Variants in ALK observed in about 807,000 individuals in gnomAD.
The protein encoded by ALK is ALK receptor tyrosine kinase.
Under a neutral mutation model 163.1 loss-of-function variants are expected in ALK, and 74 were observed. The ratio of observed to expected loss-of-function variants is 0.45; its 90% confidence interval spans 0.38 to 0.55. The LOEUF is 0.55. Among genes scored for constraint, ALK ranks in the 20% least tolerant of loss-of-function variants. The pLI is 0.00. For missense variants in ALK, 2,063 were observed against 2,105.3 expected, an observed-to-expected ratio of 0.98 and a Z score of 0.39; for synonymous variants, 960 against 843.2, an observed-to-expected ratio of 1.14 and a Z score of -2.40.
chr2:29,714,382 A>G (rs1463358074), intron 2 of ALK, among the ~76,000 whole-genome samples: 1 of 152,208 alleles, frequency 6.6e-6, no homozygotes, highest in Non-Finnish European at 1.5e-5. Context: ...GGAGCCTTCA[A>G]AAAGGTAGGT....
At chr2:29,752,600 G>A (rs1229760137) in intron 1 of ALK, among the ~76,000 whole-genome samples, 4 of 151,712 alleles carry the variant, frequency 2.6e-5, no homozygotes, top group African/African-American at 7.3e-5. Flanking sequence ...CGCCCGTCTC[G>A]GCCTCCCAAA....
At chr2:29,442,708 TA>T (rs776408802) in intron 4 of ALK, among the ~76,000 whole-genome samples, 6 of 152,186 alleles carry the variant, frequency 3.9e-5, no homozygotes, top group African/African-American at 7.2e-5. Context: ...GGTACGCACC[TA>T]AAAACCTTAT....
rs139675623 is a variant in ALK at position 29,797,891 on chromosome 2, C to T, written c.668-80194G>A. ...GACCCAAGAATTTGGGTCAAGAAAG[C>T]TTTAGCTGTGGCCATCCAAAGGGTA... On this transcript the variant is annotated intron_variant, in intron 1 of 28. Transcript: ENST00000389048. Among the ~76,000 whole-genome samples, 1,051 of 152,024 alleles carry T rather than the reference C, an allele frequency of 6.9e-3. 11 individuals carry two copies. The highest frequency in any genetic ancestry group is 0.046 in the South Asian group (223 of 4,806).
At chr2:29,592,177 C>T (rs1030323642) in intron 3 of ALK, among the ~76,000 whole-genome samples, 1 of 152,094 alleles carries the variant, frequency 6.6e-6, no homozygotes, top group Non-Finnish European at 1.5e-5. Context: ...TCCCAGAGCA[C>T]CTTTCTGCTC....
intron 11 of ALK, among the ~76,000 whole-genome samples, chr2:29,266,404 T>C (rs369046680): frequency 6.6e-6 from 1 of 152,104 alleles, no homozygotes; most frequent in South Asian, 2.1e-4. Context: ...TAGAAGGAGG[T>C]GGACTGTAAA....
chr2:29,203,347 G>A (rs942897956), intron 26 of ALK, among the ~76,000 whole-genome samples: 2 of 151,732 alleles, frequency 1.3e-5, no homozygotes, highest in Non-Finnish European at 2.9e-5. Context: ...GTCTTCTTAT[G>A]TTTCCTGTGG....
intron 11 of ALK, among the ~76,000 whole-genome samples, chr2:29,263,172 T>C (rs189049449): frequency 1.1e-3 from 167 of 152,354 alleles, no homozygotes; most frequent in African/African-American, 4.0e-3. Flanking sequence ...CAAAGGGTCA[T>C]GGACTTCTGC....
intron 1 of ALK, among the ~76,000 whole-genome samples, chr2:29,736,240 C>T (rs1238933988): frequency 2.0e-5 from 3 of 151,948 alleles, no homozygotes; most frequent in Non-Finnish European, 4.4e-5. Flanking sequence ...TATGATCTAG[C>T]TGTGTGAAAA....
At chr2:29,784,704 CAACAACAAA>C (rs1663955269) in intron 1 of ALK, among the ~76,000 whole-genome samples, 4 of 90,326 alleles carry the variant, frequency 4.4e-5, no homozygotes, top group Admixed American at 4.3e-4. Flanking sequence ...TCAACAACAA[CAACAACAAA>C]AACAACAACA....
At chr2:29,735,742 C>G (rs754225053) in intron 1 of ALK, among the ~76,000 whole-genome samples, 5 of 152,022 alleles carry the variant, frequency 3.3e-5, no homozygotes, top group Non-Finnish European at 5.9e-5. Context: ...TTATAAGGAG[C>G]TTTTCCCCCT....
At chr2:29,305,650 C>T (rs1666489222) in intron 8 of ALK, among the ~76,000 whole-genome samples, 1 of 152,068 alleles carries the variant, frequency 6.6e-6, no homozygotes, top group South Asian at 2.1e-4. Flanking sequence ...GGTTCTGGTC[C>T]AAAAACACCC....
chr2:29,873,494 A>G (rs1026543555), intron 1 of ALK, among the ~76,000 whole-genome samples: 3 of 152,120 alleles, frequency 2.0e-5, no homozygotes, highest in African/African-American at 7.2e-5. Flanking sequence ...GGGGACAGTG[A>G]TGAGGACTGT....
intron 4 of ALK, among the ~76,000 whole-genome samples, chr2:29,462,488 G>A (rs903272843): frequency 6.6e-6 from 1 of 152,156 alleles, no homozygotes; most frequent in Non-Finnish European, 1.5e-5. Flanking sequence ...ATTGAGGTCA[G>A]ACCTGCCACG....
chr2:29,917,877 C>G (rs1667877700), intron 1 of ALK, among the ~76,000 whole-genome samples: 1 of 152,202 alleles, frequency 6.6e-6, no homozygotes, highest in Admixed American at 6.5e-5. Flanking sequence ...ATGGCAGAAT[C>G]CTGGCTCCTA....
rs55733526 is a variant in ALK at position 29,251,161 on chromosome 2, G to C, written c.2148C>G (p.Ser716Arg). The change falls in exon 12 of 29, where the codon AGC (serine) becomes AGG (arginine). Residue 716 changes from serine to arginine, a missense_variant. By Grantham distance (110) the Ser-to-Arg change is moderately radical. This residue lies in a region of ALK where 987 missense variants were observed against 939.5 expected (regional missense o/e 1.05). Coordinates refer to ENST00000389048, the MANE Select transcript of ALK (RefSeq NM_004304.5). The stretch of plus-strand genomic sequence containing the variant: ...TCTGGATGCCTTTCAGGGGGCCCTC[G>C]CTCCCCACCTCCACGCTCAGGTTGG... ...QNSNLSVEVG[S>R]EGPLKGIQIW... is the part of the protein sequence containing the mutation. 6.2e-7 allele frequency: 1 copy of C among 1,613,918 alleles called. No homozygotes were observed. Among genetic ancestry groups the C allele is most frequent in the Non-Finnish European group, 8.5e-7 (1 of 1,179,992 alleles).
At chr2:29,281,372 G>T (rs951515779) in intron 9 of ALK, among the ~76,000 whole-genome samples, 1 of 152,152 alleles carries the variant, frequency 6.6e-6, no homozygotes, top group Non-Finnish European at 1.5e-5. Context: ...GAGAAGGGAA[G>T]CGTTAGCCCT....
rs148271354 is a variant in ALK, at chr2:29,276,866, C to CT, written c.1818-1371dup. Among the ~76,000 whole-genome samples, 1,441 of 152,144 alleles carry CT rather than the reference C, an allele frequency of 9.5e-3. 26 individuals carry two copies. The highest frequency in any genetic ancestry group is 0.032 in the African/African-American group (1,344 of 41,498). ...GATTGACCGCAGACTAGCACCTAGG[C>CT]TTTTTTTGGGGTGATGAAAATGCTC... On this transcript the variant is annotated intron_variant, in intron 9 of 28. Transcript: ENST00000389048.
chr2:29,515,087 A>T (rs1286751105), intron 4 of ALK, among the ~76,000 whole-genome samples: 3 of 152,128 alleles, frequency 2.0e-5, no homozygotes, highest in African/African-American at 7.2e-5. Flanking sequence ...TTCCTAAAAA[A>T]TATCCTACCT....
intron 3 of ALK, among the ~76,000 whole-genome samples, chr2:29,624,463 G>A (rs1388388928): frequency 6.6e-6 from 1 of 152,156 alleles, no homozygotes; most frequent in Non-Finnish European, 1.5e-5. Context: ...CTACACCTCC[G>A]TGTTCAGGTT....
Sources: allele counts gnomAD v4.1 joint callset (sites outside exome capture counted in the v4.1 genomes callset), GRCh38; gene constraint gnomAD v4.1.1; regional missense constraint gnomAD v4.1.1; transcripts MANE v1.5; gene names NCBI Gene and HGNC (gene_info 2026-07-23, HGNC 2026-07-21).